LRP5: variants seen among roughly 807,000 people sequenced by gnomAD.
LRP5 encodes the protein LDL receptor related protein 5.
A neutral mutation model predicts 154.1 loss-of-function variants in LRP5; 62 were observed. That is an observed-to-expected ratio of 0.40 (90% CI 0.33 to 0.50). LRP5 has a LOEUF of 0.50. Ranked by LOEUF, LRP5 falls within the 20% of genes least tolerant of loss-of-function variation. The pLI is 0.55. For missense variants in LRP5, 1,915 were observed against 2,336.7 expected, an observed-to-expected ratio of 0.82 and a Z score of 3.72; for synonymous variants, 966 against 1,011.5, an observed-to-expected ratio of 0.96 and a Z score of 0.85.
intron 21 of LRP5, among the ~76,000 whole-genome samples, chr11:68,441,864 T>A (rs1295730336): frequency 6.6e-6 from 1 of 152,236 alleles, no homozygotes; most frequent in Non-Finnish European, 1.5e-5. Context: ...TTCCTGCCCC[T>A]AAAAGAAACT....
chr11:68,380,654 G>T (rs1463730679), intron 5 of LRP5, among the ~76,000 whole-genome samples: 2 of 152,190 alleles, frequency 1.3e-5, no homozygotes, highest in Non-Finnish European at 2.9e-5. Flanking sequence ...GGCTGGGCTC[G>T]GAGCTGCACG....
At chr11:68,380,143 G>A (rs949556371) in intron 5 of LRP5, among the ~76,000 whole-genome samples, 1 of 152,218 alleles carries the variant, frequency 6.6e-6, no homozygotes, top group Non-Finnish European at 1.5e-5. Flanking sequence ...CAAAAACAAA[G>A]TCACACACGC....
At chr11:68,307,107 G>A in the LRP5 span, among the ~76,000 whole-genome samples, 1 of 152,240 alleles carries the variant, frequency 6.6e-6, no homozygotes, top group Middle Eastern at 3.4e-3. Flanking sequence ...GCTTGAACCC[G>A]GGAGGTGGAG....
intron 2 of LRP5, among the ~76,000 whole-genome samples, chr11:68,352,929 T>C (rs2098620037): frequency 6.6e-6 from 1 of 151,276 alleles, no homozygotes; most frequent in Admixed American, 6.6e-5. Flanking sequence ...GGTGCCTGGT[T>C]GGGAGTAGTT....
intron 12 of LRP5, 93 bp downstream of exon 12, chr11:68,414,105 C>T: frequency 8.2e-7 from 1 of 1,215,080 alleles, no homozygotes; most frequent in Non-Finnish European, 1.2e-6. Flanking sequence ...ATCTGGGGTT[C>T]CTGGGTGTAC....
At chr11:68,364,573 C>T (rs1348660167) in intron 4 of LRP5, among the ~76,000 whole-genome samples, 1 of 152,122 alleles carries the variant, frequency 6.6e-6, no homozygotes, top group Non-Finnish European at 1.5e-5. Context: ...CAGCAGTTCT[C>T]AGCCTGGGGG....
At chr11:68,349,345 C>G (rs2153130740) in intron 2 of LRP5, among the ~76,000 whole-genome samples, 1 of 152,184 alleles carries the variant, frequency 6.6e-6, no homozygotes, top group Middle Eastern at 3.4e-3. Context: ...TAGTTATGTT[C>G]CTTTTTAAAA....
At chr11:68,425,001 G>T in intron 14 of LRP5, 101 bp from the exon 15 acceptor site, 1 of 1,005,804 alleles carries the variant, frequency 9.9e-7, no homozygotes. Context: ...GCAGCCCTGA[G>T]AGGCAGGGGC....
intron 3 of LRP5, among the ~76,000 whole-genome samples, chr11:68,361,164 G>C (rs1480873656): frequency 1.4e-5 from 2 of 148,072 alleles, no homozygotes; most frequent in African/African-American, 4.9e-5. Context: ...AATTAGCCGG[G>C]CATCGTGGTG....
At chr11:68,445,162 C>T (rs1035387110) in intron 21 of LRP5, among the ~76,000 whole-genome samples, 3 of 152,062 alleles carry the variant, frequency 2.0e-5, no homozygotes, top group Non-Finnish European at 2.9e-5. Context: ...TGCAGTGGTG[C>T]GATCTCAACC....
chr11:68,356,397 G>T (rs1305792787), intron 2 of LRP5, among the ~76,000 whole-genome samples: 1 of 151,944 alleles, frequency 6.6e-6, no homozygotes, highest in Admixed American at 6.6e-5. Flanking sequence ...TCAGCCTCCC[G>T]AAGTACTGGA....
intron 21 of LRP5, among the ~76,000 whole-genome samples, chr11:68,441,535 G>T (rs76178575): frequency 6.6e-6 from 1 of 152,306 alleles, no homozygotes; most frequent in African/African-American, 2.4e-5. Flanking sequence ...ACCAGAAGCC[G>T]AGAGTTTAAA....
chr11:68,391,448 A>G (rs1266080649), intron 7 of LRP5, among the ~76,000 whole-genome samples: 1 of 152,228 alleles, frequency 6.6e-6, no homozygotes, highest in Non-Finnish European at 1.5e-5. Context: ...TGACGTCACC[A>G]TCGGGGTCAC....
rs778262370 is a variant in LRP5, at chr11:68,365,718, G to A, written c.1015+16G>A. ...TGTAAGGCAGGTGAGGCGGTGGGAC[G>A]GGACGGGGCGGGCGGGCGGGGCGGG... On this transcript the variant is annotated intron_variant, in intron 5 of 22. Coordinates refer to ENST00000294304, the MANE Select transcript of LRP5 (RefSeq NM_002335.4). 1.3e-5 allele frequency: 19 copies of A among 1,505,460 alleles called. No individual in the cohort carries two copies. Among genetic ancestry groups the A allele is most frequent in the South Asian group, 7.8e-5 (6 of 76,506 alleles). The allele number at this position is 1,505,460 out of a possible 1,614,324, so 93.3% of individuals were successfully genotyped here. A position where few individuals can be genotyped will look rare whatever the true frequency, so the allele number is the denominator to read the frequency against.
intron 5 of LRP5, among the ~76,000 whole-genome samples, chr11:68,370,217 C>G (rs2098633276): frequency 6.6e-6 from 1 of 152,162 alleles, no homozygotes; most frequent in South Asian, 2.1e-4. Flanking sequence ...GCTGGGCCTT[C>G]TGAGCCCTGG....
intron 18 of LRP5, among the ~76,000 whole-genome samples, chr11:68,436,460 C>T (rs2098674971): frequency 6.6e-6 from 1 of 152,176 alleles, no homozygotes; most frequent in Non-Finnish European, 1.5e-5. Context: ...CCTCCCCTCC[C>T]CTCCCCTCAA....
chr11:68,381,895 G>A (rs1220342688), intron 5 of LRP5, among the ~76,000 whole-genome samples: 1 of 152,218 alleles, frequency 6.6e-6, no homozygotes, highest in Admixed American at 6.5e-5. Context: ...GAGGCCAGCT[G>A]TGGGCACCAG....
intron 21 of LRP5, 37 bp downstream of exon 21, chr11:68,439,953 G>T: frequency 2.0e-6 from 3 of 1,481,654 alleles, no homozygotes; most frequent in South Asian, 1.3e-5. Context: ...GGGCGGGATG[G>T]GGCTGTGGGC....
chr11:68,346,666 G>A (rs887592604), intron 1 of LRP5, among the ~76,000 whole-genome samples: 26 of 152,218 alleles, frequency 1.7e-4, no homozygotes, highest in Admixed American at 1.7e-3. Flanking sequence ...GGACCCAGGG[G>A]TCTGCAGTTT....
Sources: allele counts gnomAD v4.1 joint callset (sites outside exome capture counted in the v4.1 genomes callset), GRCh38; gene constraint gnomAD v4.1.1; transcripts MANE v1.5; gene names NCBI Gene and HGNC (gene_info 2026-07-23, HGNC 2026-07-21).